SCRG1: variants seen among roughly 807,000 people sequenced by gnomAD.
SCRG1 encodes stimulator of chondrogenesis 1.
In SCRG1, 3 loss-of-function variants were observed where a neutral mutation model predicts 7.7. That is an observed-to-expected ratio of 0.39 (90% CI 0.18 to 1.01). SCRG1 has a LOEUF of 1.01. Among genes scored for constraint, SCRG1 ranks in the 50% least tolerant of loss-of-function variants. The pLI is 0.36. For missense variants in SCRG1, 110 were observed against 117.2 expected (o/e 0.94, Z 0.28); for synonymous variants, 46 against 41.2 (o/e 1.12, Z -0.44).
the SCRG1 span, among the ~76,000 whole-genome samples, chr4:173,420,584 G>A: frequency 6.6e-6 from 1 of 152,072 alleles, no homozygotes; most frequent in Non-Finnish European, 1.5e-5. Context: ...TTGGTGATCA[G>A]TGTGGATTAC....
the SCRG1 span, among the ~76,000 whole-genome samples, chr4:173,445,451 AGGCGCCTGTAATC>A: frequency 6.6e-6 from 1 of 151,564 alleles, no homozygotes; most frequent in African/African-American, 2.4e-5. Flanking sequence ...GTGTGGTGGC[AGGCGCCTGTAATC>A]CCAGCTACTT....
the SCRG1 span, among the ~76,000 whole-genome samples, chr4:173,482,975 TATATA>T: frequency 1.7e-4 from 23 of 132,694 alleles, no homozygotes; most frequent in African/African-American, 5.1e-4. Context: ...GTATATATAA[TATATA>T]ATATATTATA....
the SCRG1 span, among the ~76,000 whole-genome samples, chr4:173,458,909 G>A: frequency 6.6e-6 from 1 of 152,036 alleles, no homozygotes. Flanking sequence ...AAAAGTGAAC[G>A]GATGGAAAAG....
Position 173,388,286 on chromosome 4 carries a change from G to T in SCRG1, c.*55C>A. 8.3e-7 allele frequency: 1 copy of T among 1,206,000 alleles called. No individual in the cohort carries two copies. The highest frequency in any genetic ancestry group is 1.2e-6 in the Non-Finnish European group (1 of 815,326). 74.7% of individuals were successfully genotyped at this position (1,206,000 alleles called of 1,614,324 possible). A position where few individuals can be genotyped will look rare whatever the true frequency, so the allele number is the denominator to read the frequency against. On this transcript the variant is annotated 3_prime_UTR_variant, in exon 3 of 3. Transcript: ENST00000296506. The stretch of plus-strand genomic sequence containing the variant: ...AAACTAGAAATGCAGTTATACTGAT[G>T]TAGTGCAGTTTGTGGGAAATCAGGA...
chr4:173,464,768 G>A, the SCRG1 span, among the ~76,000 whole-genome samples: 2 of 152,164 alleles, frequency 1.3e-5, no homozygotes, highest in Non-Finnish European at 2.9e-5. Flanking sequence ...TTAAAGGAGA[G>A]ACTTGAACAG....
chr4:173,464,492 A>G, the SCRG1 span, among the ~76,000 whole-genome samples: 1 of 152,178 alleles, frequency 6.6e-6, no homozygotes, highest in African/African-American at 2.4e-5. Flanking sequence ...GTACCCTTAT[A>G]TTGTCTTAAG....
chr4:173,516,981 G>T, the SCRG1 span, among the ~76,000 whole-genome samples: 7 of 152,236 alleles, frequency 4.6e-5, no homozygotes, highest in Non-Finnish European at 1.0e-4. Flanking sequence ...AATTTTGTGC[G>T]CCGTAGTGCT....
chr4:173,467,235 G>GAAA, the SCRG1 span, among the ~76,000 whole-genome samples: 1 of 151,294 alleles, frequency 6.6e-6, no homozygotes, highest in African/African-American at 2.4e-5. Context: ...CAGTCCATTG[G>GAAA]AAAAAAAAAG....
rs1739864378 is a variant in SCRG1, at chr4:173,404,990, T to A, written c.-747-558A>T. ...CTCTATTATTTAACTCTTACATTAG[T>A]GTGGTCCATTTTTTATAATTAATAA... On this transcript the variant is annotated intron_variant and NMD_transcript_variant, in intron 1 of 8. Coordinates refer to the SCRG1 transcript ENST00000512188. Among the ~76,000 whole-genome samples, 2 of 152,208 alleles carry A rather than the reference T, an allele frequency of 1.3e-5. 1 individual carries two copies. The highest frequency in any genetic ancestry group is 4.1e-4 in the South Asian group (2 of 4,826).
chr4:173,409,589 T>A (rs1176308798), upstream of SCRG1, among the ~76,000 whole-genome samples: 1 of 864 alleles, frequency 1.2e-3, no homozygotes, highest in Non-Finnish European at 0.011. Context: ...CCCTGCATAC[T>A]TTTTTTTTTT....
chr4:173,505,005 T>G, the SCRG1 span, among the ~76,000 whole-genome samples: 1 of 152,234 alleles, frequency 6.6e-6, no homozygotes, highest in Admixed American at 6.5e-5. This position sits in a 1 kb window ranked among gnomAD's most constrained non-coding sequence, Gnocchi z 4.4. Context: ...TCAATAACTG[T>G]AACTGAAGAA....
upstream of SCRG1, among the ~76,000 whole-genome samples, chr4:173,408,396 G>T (rs955405705): frequency 1.3e-5 from 2 of 152,130 alleles, no homozygotes. Flanking sequence ...CCCCTGGATT[G>T]TTACTACCTT....
chr4:173,473,812 G>C, the SCRG1 span, among the ~76,000 whole-genome samples: 1 of 152,324 alleles, frequency 6.6e-6, no homozygotes, highest in East Asian at 1.9e-4. Flanking sequence ...GCGGTTATAT[G>C]ACACAGTGGC....
chr4:173,470,533 G>T, the SCRG1 span, among the ~76,000 whole-genome samples: 1 of 152,166 alleles, frequency 6.6e-6, no homozygotes, highest in South Asian at 2.1e-4. Context: ...GACCCAAATT[G>T]GATCACTTCT....
the SCRG1 span, among the ~76,000 whole-genome samples, chr4:173,483,319 CATATATT>C: frequency 9.1e-4 from 21 of 23,174 alleles, 7 homozygotes; most frequent in African/African-American, 2.7e-3. Flanking sequence ...TATTACATAT[CATATATT>C]ATATATTATA....
At chr4:173,417,017 A>C in the SCRG1 span, among the ~76,000 whole-genome samples, 12 of 149,742 alleles carry the variant, frequency 8.0e-5, no homozygotes, top group Admixed American at 6.7e-4. Context: ...CACACACCCC[A>C]CACACAATCA....
intron 1 of SCRG1, among the ~76,000 whole-genome samples, chr4:173,405,713 C>T (rs1049308828): frequency 6.6e-5 from 10 of 152,106 alleles, no homozygotes; most frequent in Admixed American, 1.3e-4. Context: ...TTAGGGGCTC[C>T]TTTAGTTGCC....
the SCRG1 span, among the ~76,000 whole-genome samples, chr4:173,483,863 C>CGTATGTTATATATATTTCATATAAT: frequency 2.9e-4 from 6 of 20,510 alleles, no homozygotes; most frequent in Admixed American, 1.1e-3. Flanking sequence ...TTTCATATTA[C>CGTATGTTATATATATTTCATATAAT]ATATGTTATA....
At chr4:173,391,980 A>T (rs922904579) in intron 1 of SCRG1, among the ~76,000 whole-genome samples, 5 of 152,190 alleles carry the variant, frequency 3.3e-5, no homozygotes, top group Non-Finnish European at 5.9e-5. Context: ...ATCTGCATTT[A>T]AGAAGTACCC....
Sources: allele counts gnomAD v4.1 joint callset (sites outside exome capture counted in the v4.1 genomes callset), GRCh38; gene constraint gnomAD v4.1.1; non-coding constraint Gnocchi (gnomAD v3.1); transcripts MANE v1.5; gene names NCBI Gene and HGNC (gene_info 2026-07-23, HGNC 2026-07-21).